FHIT: variants seen among roughly 807,000 people sequenced by gnomAD.
The protein encoded by FHIT is bis(5'-adenosyl)-triphosphatase.
FHIT carries 19 observed loss-of-function variants against 17.9 expected under a neutral mutation model. The ratio of observed to expected loss-of-function variants is 1.06; its 90% CI spans 0.74 to 1.56. FHIT has a LOEUF of 1.56. Among genes scored for constraint, FHIT ranks in the 40% most tolerant of loss-of-function variants. The pLI, the probability that FHIT is intolerant of heterozygous loss-of-function variation, is 0.00. For synonymous variants in FHIT, 81 were observed against 69.7 expected, an observed-to-expected ratio of 1.16 and a Z score of -0.81; for missense variants, 248 against 189.2, an observed-to-expected ratio of 1.31 and a Z score of -1.82.
At chr3:60,019,146 C>T (rs933127072) in intron 5 of FHIT, among the ~76,000 whole-genome samples, 3 of 152,188 alleles carry the variant, frequency 2.0e-5, no homozygotes, top group Admixed American at 2.0e-4. Flanking sequence ...CTTCACTCTA[C>T]ATGCTCTTCC....
intron 5 of FHIT, among the ~76,000 whole-genome samples, chr3:60,385,011 T>C (rs113748507): frequency 1.3e-5 from 2 of 152,254 alleles, no homozygotes; most frequent in East Asian, 1.9e-4. Context: ...AAATATATTA[T>C]GGCAAGGAAA....
At chr3:60,456,927 A>C (rs1046928139) in intron 5 of FHIT, among the ~76,000 whole-genome samples, 5 of 152,068 alleles carry the variant, frequency 3.3e-5, no homozygotes, top group Admixed American at 1.3e-4. Context: ...AATGAAATAA[A>C]AGAGGATACA....
intron 5 of FHIT, among the ~76,000 whole-genome samples, chr3:60,084,212 T>A (rs1296011427): frequency 6.6e-6 from 1 of 152,166 alleles, no homozygotes; most frequent in East Asian, 1.9e-4. Flanking sequence ...TTACTCTGAT[T>A]TTTTGCTTTA....
intron 1 of FHIT, among the ~76,000 whole-genome samples, chr3:61,246,683 C>T (rs942661033): frequency 6.6e-6 from 1 of 151,268 alleles, no homozygotes; most frequent in Non-Finnish European, 1.5e-5. Flanking sequence ...CATCACACAC[C>T]GGGGCCTGTT....
chr3:59,984,487 C>T (rs1708804265), intron 7 of FHIT, among the ~76,000 whole-genome samples: 1 of 151,998 alleles, frequency 6.6e-6, no homozygotes, highest in African/African-American at 2.4e-5. Context: ...CTCAAATTCC[C>T]ACTGGTATTG....
intron 2 of FHIT, among the ~76,000 whole-genome samples, chr3:61,047,840 A>G (rs2033866699): frequency 9.6e-6 from 1 of 104,272 alleles, no homozygotes; most frequent in African/African-American, 2.9e-5. Flanking sequence ...CAACCATCTG[A>G]TCTTTGACAA....
At chr3:59,967,633 G>A (rs914271491) in intron 7 of FHIT, among the ~76,000 whole-genome samples, 1 of 152,178 alleles carries the variant, frequency 6.6e-6, no homozygotes, top group Non-Finnish European at 1.5e-5. Context: ...TTTCAGAAGG[G>A]TTGGTGGAAG....
At chr3:59,908,220 T>C (rs1004738104) in intron 8 of FHIT, among the ~76,000 whole-genome samples, 2 of 152,266 alleles carry the variant, frequency 1.3e-5, no homozygotes, top group Admixed American at 1.3e-4. Flanking sequence ...AAGAGTAGAT[T>C]GAATGTGCAT....
At chr3:60,212,896 T>A (rs149744802) in intron 5 of FHIT, among the ~76,000 whole-genome samples, 521 of 152,276 alleles carry the variant, frequency 3.4e-3, no homozygotes, top group African/African-American at 0.012. Flanking sequence ...CCTGAGGATG[T>A]TCCAAGTGGA....
chr3:60,893,380 T>A (rs1164506234), intron 3 of FHIT, among the ~76,000 whole-genome samples: 4 of 152,232 alleles, frequency 2.6e-5, no homozygotes, highest in Admixed American at 6.5e-5. Flanking sequence ...TACATTTGTA[T>A]GCTTTTCTCT....
chr3:60,222,549 CG>C (rs1307058514), intron 5 of FHIT, among the ~76,000 whole-genome samples: 2 of 151,880 alleles, frequency 1.3e-5, no homozygotes, highest in African/African-American at 4.8e-5. Flanking sequence ...CCAGCACTTT[CG>C]GAGGTTGAGG....
chr3:60,575,760 T>G (rs1313184307), intron 4 of FHIT, among the ~76,000 whole-genome samples: 1 of 152,048 alleles, frequency 6.6e-6, no homozygotes, highest in Non-Finnish European at 1.5e-5. Flanking sequence ...AAATAGAATT[T>G]TATGCCTTAC....
chr3:60,345,171 A>G (rs1480844489), intron 5 of FHIT, among the ~76,000 whole-genome samples: 1 of 151,908 alleles, frequency 6.6e-6, no homozygotes, highest in Non-Finnish European at 1.5e-5. Context: ...CAGAGATGAT[A>G]TATGTTGTCC....
intron 5 of FHIT, among the ~76,000 whole-genome samples, chr3:60,446,396 A>C (rs1036875210): frequency 1.3e-5 from 2 of 152,142 alleles, no homozygotes; most frequent in African/African-American, 4.8e-5. Flanking sequence ...CGTTACTTTC[A>C]TCCAATTTGG....
intron 5 of FHIT, among the ~76,000 whole-genome samples, chr3:60,210,589 G>A (rs58664194): frequency 0.014 from 2,069 of 152,140 alleles, 37 homozygotes; most frequent in African/African-American, 0.046. Context: ...AAATGAGTGA[G>A]AAATATGAAC....
At chr3:60,201,225 C>T (rs548568746) in intron 5 of FHIT, among the ~76,000 whole-genome samples, 8 of 152,254 alleles carry the variant, frequency 5.3e-5, no homozygotes, top group African/African-American at 1.9e-4. Flanking sequence ...GCCAGTCTCA[C>T]GGTGGGAAAC....
chr3:60,124,005 TATATAGAGAG>T (rs1559653674), intron 5 of FHIT, among the ~76,000 whole-genome samples: 15 of 20,912 alleles, frequency 7.2e-4, no homozygotes, highest in Admixed American at 3.7e-3. Flanking sequence ...TATATATATA[TATATAGAGAG>T]AGAGAGAGAG....
chr3:60,815,987 C>G (rs1314834345), intron 4 of FHIT, among the ~76,000 whole-genome samples: 1 of 151,692 alleles, frequency 6.6e-6, no homozygotes, highest in East Asian at 1.9e-4. Flanking sequence ...TTATATACTT[C>G]TATTTTTTCA....
intron 5 of FHIT, among the ~76,000 whole-genome samples, chr3:60,305,036 T>C (rs550502543): frequency 6.6e-6 from 1 of 152,250 alleles, no homozygotes; most frequent in South Asian, 2.1e-4. Context: ...ATATCTAAAT[T>C]GGTGAAAATC....
Sources: allele counts gnomAD v4.1 joint callset (sites outside exome capture counted in the v4.1 genomes callset), GRCh38; gene constraint gnomAD v4.1.1; transcripts MANE v1.5; gene names NCBI Gene and HGNC (gene_info 2026-07-23, HGNC 2026-07-21).